Variants in GABRG3 observed in about 807,000 individuals in gnomAD.
The protein encoded by GABRG3 is gamma-aminobutyric acid receptor subunit gamma-3.
In GABRG3, 25 loss-of-function variants were observed where a neutral mutation model predicts 48.8. The ratio of observed to expected loss-of-function variants is 0.51; its 90% confidence interval spans 0.37 to 0.72. The LOEUF is 0.72. Ranked by LOEUF, GABRG3 falls within the 30% of genes least tolerant of loss-of-function variation. The pLI, the probability that GABRG3 is intolerant of heterozygous loss-of-function variation, is 0.00. For missense variants in GABRG3, 394 were observed against 577.9 expected (o/e 0.68, Z 3.26); for synonymous variants, 227 against 217.6 (o/e 1.04, Z -0.38).
chr15:27,250,885 C>T (rs1339033038), intron 3 of GABRG3, among the ~76,000 whole-genome samples: 2 of 146,854 alleles, frequency 1.4e-5, no homozygotes. Flanking sequence ...GGGCAGCACC[C>T]GCTGGGTGCA....
At chr15:27,215,721 A>C (rs147531318) in intron 3 of GABRG3, among the ~76,000 whole-genome samples, 197 of 152,264 alleles carry the variant, frequency 1.3e-3, no homozygotes, top group African/African-American at 4.5e-3. Flanking sequence ...TGCTCGAGTC[A>C]GGGGTGTGGG....
At chr15:27,276,159 G>A (rs958556925) in intron 3 of GABRG3, among the ~76,000 whole-genome samples, 3 of 152,222 alleles carry the variant, frequency 2.0e-5, no homozygotes, top group Non-Finnish European at 4.4e-5. Context: ...AGGGTGGGAA[G>A]GCTCTGTGGT....
intron 3 of GABRG3, among the ~76,000 whole-genome samples, chr15:27,071,226 G>A (rs1041913644): frequency 6.6e-6 from 1 of 152,186 alleles, no homozygotes; most frequent in African/African-American, 2.4e-5. Flanking sequence ...AAAGCTGCTA[G>A]GAGCCAGTGG....
chr15:27,332,574 G>A (rs1011277967), intron 5 of GABRG3, among the ~76,000 whole-genome samples: 5 of 152,050 alleles, frequency 3.3e-5, no homozygotes, highest in Non-Finnish European at 5.9e-5. Context: ...GTGAAGTGGT[G>A]TCCCTGTTTG....
At chr15:27,487,573 CTGT>C (rs1890250816) in intron 6 of GABRG3, among the ~76,000 whole-genome samples, 1 of 152,160 alleles carries the variant, frequency 6.6e-6, no homozygotes, top group Admixed American at 6.5e-5. Context: ...ATTTGACTTC[CTGT>C]ATCTGACTCC....
chr15:27,125,984 A>G (rs955062917), intron 3 of GABRG3, among the ~76,000 whole-genome samples: 1 of 152,230 alleles, frequency 6.6e-6, no homozygotes, highest in Non-Finnish European at 1.5e-5. Flanking sequence ...AAAAGGAAGA[A>G]CTGCCTTATG....
intron 3 of GABRG3, among the ~76,000 whole-genome samples, chr15:27,119,750 G>A (rs986988091): frequency 6.6e-6 from 1 of 152,164 alleles, no homozygotes; most frequent in Non-Finnish European, 1.5e-5. Flanking sequence ...TCATCTGGAG[G>A]CTTATCACAG....
intron 3 of GABRG3, among the ~76,000 whole-genome samples, chr15:27,080,345 C>A (rs1232250495): frequency 6.6e-6 from 1 of 151,820 alleles, no homozygotes; most frequent in African/African-American, 2.4e-5. Context: ...GCCTGTAATC[C>A]CAACTACTTG....
intron 5 of GABRG3, among the ~76,000 whole-genome samples, chr15:27,471,257 T>C (rs1326343209): frequency 6.6e-6 from 1 of 152,136 alleles, no homozygotes; most frequent in South Asian, 2.1e-4. Flanking sequence ...ACCAGAGGAG[T>C]GGCTGGTCCC....
chr15:27,268,851 C>T (rs890930927), intron 3 of GABRG3, among the ~76,000 whole-genome samples: 1 of 152,164 alleles, frequency 6.6e-6, no homozygotes, highest in Non-Finnish European at 1.5e-5. Context: ...TTGGCTTCCC[C>T]CTGGGTGTTC....
rs1404110606 is a variant in GABRG3, at chr15:27,533,539, ATGT to A, written c.*664_*666del. The stretch of plus-strand genomic sequence containing the variant: ...AGAAAATAAGATTTTCAAAATGCTC[ATGT>A]TGTTGGGGTCAAAGATGATTATCTC... On this transcript the variant is annotated 3_prime_UTR_variant, in exon 10 of 10. Coordinates refer to ENST00000615808, the MANE Select transcript of GABRG3 (RefSeq NM_033223.5). 6.6e-6 allele frequency: 1 copy of A among 152,328 alleles called. No homozygotes were observed. Among genetic ancestry groups the A allele is most frequent in the Non-Finnish European group, 1.5e-5 (1 of 68,132 alleles). 9.4% of individuals were successfully genotyped at this position (152,328 alleles called of 1,614,324 possible).
intron 5 of GABRG3, among the ~76,000 whole-genome samples, chr15:27,390,029 G>A (rs560637940): frequency 1.2e-4 from 19 of 152,154 alleles, no homozygotes; most frequent in Non-Finnish European, 2.5e-4. Context: ...TTACAAATAT[G>A]GATGCCAGTG....
At chr15:27,413,467 C>CA (rs2140601957) in intron 5 of GABRG3, among the ~76,000 whole-genome samples, 1 of 152,258 alleles carries the variant, frequency 6.6e-6, no homozygotes, top group African/African-American at 2.4e-5. Context: ...AAAGAAAAAG[C>CA]AACGTGTGTG....
intron 5 of GABRG3, among the ~76,000 whole-genome samples, chr15:27,420,523 A>G (rs544910455): frequency 6.6e-6 from 1 of 152,308 alleles, no homozygotes; most frequent in South Asian, 2.1e-4. Context: ...AAGAGAGTAG[A>G]TCTTAAGAGT....
At chr15:27,406,620 C>T (rs531550764) in intron 5 of GABRG3, among the ~76,000 whole-genome samples, 1 of 152,098 alleles carries the variant, frequency 6.6e-6, no homozygotes, top group African/African-American at 2.4e-5. Flanking sequence ...CCGTCCAGGT[C>T]GTCAAAAACA....
At chr15:27,402,967 G>A (rs969177273) in intron 5 of GABRG3, among the ~76,000 whole-genome samples, 1 of 152,002 alleles carries the variant, frequency 6.6e-6, no homozygotes, top group African/African-American at 2.4e-5. Context: ...TGATCATCCT[G>A]GGGTCTTGTG....
rs904930731 is a variant in GABRG3 at position 27,317,410 on chromosome 15, T to A, written c.271-9399T>A. On this transcript the variant is annotated intron_variant, in intron 3 of 9. Coordinates refer to ENST00000615808, the MANE Select transcript of GABRG3 (RefSeq NM_033223.5). ...GTCGTGGCCTTCTAGTATGCAAGCCTAGGAACCCACTGCTGCCATTTCCTT... is the reference window on the plus strand; with the variant it reads ...GTCGTGGCCTTCTAGTATGCAAGCCAAGGAACCCACTGCTGCCATTTCCTT... 3.0e-4 allele frequency among the ~76,000 whole-genome samples: 45 copies of A among 152,338 alleles called. No homozygotes were observed. The Middle Eastern group carries it at 0.01, about 35-fold the overall frequency.
In GABRG3 at chr15:27,185,614, A is replaced by C. The variant is rs74550331; in HGVS notation, c.271-141195A>C. ...TAATTTTCTGTCTAATGGTTCTGTC[A>C]GTTGCTTAAGTAAGGTTTTGATGTT... is the stretch of plus-strand genomic sequence containing the variant. On this transcript the variant is annotated intron_variant, in intron 3 of 9. Coordinates refer to ENST00000615808, the MANE Select transcript of GABRG3 (RefSeq NM_033223.5). 2.3e-3 allele frequency among the ~76,000 whole-genome samples: 350 copies of C among 152,270 alleles called. 1 individual carries two copies. The highest frequency in any genetic ancestry group is 7.9e-3 in the African/African-American group (327 of 41,578).
At chr15:27,063,367 C>T (rs1896684034) in intron 3 of GABRG3, among the ~76,000 whole-genome samples, 1 of 152,226 alleles carries the variant, frequency 6.6e-6, no homozygotes, top group Non-Finnish European at 1.5e-5. Context: ...AAATGCGATC[C>T]TCAGTCTCTG....
Sources: allele counts gnomAD v4.1 joint callset (sites outside exome capture counted in the v4.1 genomes callset), GRCh38; gene constraint gnomAD v4.1.1; transcripts MANE v1.5; gene names NCBI Gene and HGNC (gene_info 2026-07-23, HGNC 2026-07-21).